The following CACNB2 variants were observed in gnomAD, a reference collection of about 807,000 sequenced individuals.
CACNB2 encodes the protein voltage-dependent L-type calcium channel subunit beta-2.
CACNB2 carries 42 observed loss-of-function variants against 73.3 expected under a neutral mutation model. The observed-to-expected ratio is 0.57, with a 90% CI of 0.45 to 0.74. The LOEUF (loss-of-function observed/expected upper bound fraction) is 0.74, where lower values mean the gene tolerates loss of function less well. CACNB2 is among the 30% of genes least tolerant of loss of function. The probability of loss-of-function intolerance (pLI) is 0.00; values close to 1 mark genes in which losing one functional copy is unlikely to be tolerated. For synonymous variants in CACNB2, 348 were observed against 310.3 expected, an observed-to-expected ratio of 1.12 and a Z score of -1.28; for missense variants, 940 against 853.0, an observed-to-expected ratio of 1.10 and a Z score of -1.27.
chr10:18,440,261 C>G (rs12261189), intron 3 of CACNB2, among the ~76,000 whole-genome samples: 1 of 152,182 alleles, frequency 6.6e-6, no homozygotes, highest in East Asian at 1.9e-4. Flanking sequence ...GCCCCACCTG[C>G]TGATAACTAT....
chr10:18,221,220 G>A (rs563843173), intron 2 of CACNB2, among the ~76,000 whole-genome samples: 98 of 152,270 alleles, frequency 6.4e-4, no homozygotes, highest in African/African-American at 2.3e-3. Flanking sequence ...CCATTCTAGC[G>A]TGACTATATA....
At chr10:18,440,427 G>T (rs2046357143) in intron 3 of CACNB2, among the ~76,000 whole-genome samples, 1 of 152,160 alleles carries the variant, frequency 6.6e-6, no homozygotes, top group South Asian at 2.1e-4. Flanking sequence ...CCCAGCATTT[G>T]AAGTGTCTGA....
intron 3 of CACNB2, among the ~76,000 whole-genome samples, chr10:18,428,086 GA>G (rs1439001781): frequency 1.3e-5 from 2 of 151,794 alleles, no homozygotes; most frequent in Admixed American, 6.6e-5. Flanking sequence ...TTTTCATTTT[GA>G]TTTTTTTATT....
Position 18,184,658 on chromosome 10 carries a change from T to G in CACNB2, c.213+33683T>G, listed in dbSNP as rs199611595. Among the ~76,000 whole-genome samples, 8 of 23,764 alleles carry G rather than the reference T, an allele frequency of 3.4e-4. No individual in the cohort carries two copies. The East Asian group carries it at 0.012, about 36-fold the overall frequency. 15.6% of individuals were successfully genotyped at this position (23,764 alleles called of 152,430 possible). A position where few individuals can be genotyped will look rare whatever the true frequency, so the allele number is the denominator to read the frequency against. On this transcript the variant is annotated intron_variant, in intron 2 of 13. Coordinates refer to ENST00000324631, the MANE Select transcript of CACNB2 (RefSeq NM_201596.3). ...CAGTTTCTCAGACTTTGTTTTTTTT[T>G]TTTTTTTTTTTTTTTTTCAGTGTTG...
At chr10:18,514,818 G>A (rs2051117628) in intron 7 of CACNB2, among the ~76,000 whole-genome samples, 1 of 152,108 alleles carries the variant, frequency 6.6e-6, no homozygotes, top group Non-Finnish European at 1.5e-5. Context: ...AATTGTGCAT[G>A]CTTATTCTAT....
intron 2 of CACNB2, among the ~76,000 whole-genome samples, chr10:18,194,481 A>G (rs2034543117): frequency 6.6e-6 from 1 of 152,170 alleles, no homozygotes; most frequent in South Asian, 2.1e-4. Context: ...TATAGCTCAG[A>G]CAATTTGTAA....
At position 18,140,829 on chromosome 10, in the gene CACNB2, C is replaced by A. The variant is rs1192957611; in HGVS notation, c.93C>A (p.Pro31=). 6.2e-7 allele frequency: 1 copy of A among 1,603,560 alleles called. No individual in the cohort carries two copies. The highest frequency in any genetic ancestry group is 8.5e-7 in the Non-Finnish European group (1 of 1,176,602). ...IQMELLENVA[P]AGALGAAAQS... ...TGGAACTGCTAGAGAACGTGGCTCC[C>A]GCGGGGGCGCTCGGAGCCGCCGCAC... The change falls in exon 1 of 14, where the codon CCC becomes CCA. Residue 31 remains proline (P), a synonymous_variant. Transcript: ENST00000324631.
chr10:18,410,607 C>T (rs1384600647), intron 3 of CACNB2, among the ~76,000 whole-genome samples: 1 of 152,070 alleles, frequency 6.6e-6, no homozygotes, highest in Non-Finnish European at 1.5e-5. Flanking sequence ...TGCGTATGTT[C>T]TTAAACCTAC....
At chr10:18,258,674 T>C (rs1308921795) in intron 2 of CACNB2, among the ~76,000 whole-genome samples, 1 of 151,690 alleles carries the variant, frequency 6.6e-6, no homozygotes, top group African/African-American at 2.4e-5. Context: ...TGCAGTGAGC[T>C]GAGATCATGC....
chr10:18,211,411 T>C (rs990987322), intron 2 of CACNB2, among the ~76,000 whole-genome samples: 1 of 152,178 alleles, frequency 6.6e-6, no homozygotes, highest in Non-Finnish European at 1.5e-5. Flanking sequence ...TTTTAAGATA[T>C]ACAAAAAGGC....
chr10:18,349,900 G>A (rs188594347), intron 2 of CACNB2, among the ~76,000 whole-genome samples: 147 of 152,168 alleles, frequency 9.7e-4, no homozygotes, highest in African/African-American at 3.3e-3. Flanking sequence ...CCTGTATTGC[G>A]CACGTATGTT....
chr10:18,455,395 G>A (rs2047229103), intron 3 of CACNB2, among the ~76,000 whole-genome samples: 1 of 152,196 alleles, frequency 6.6e-6, no homozygotes. Flanking sequence ...AGGTAGGAGA[G>A]CTGTGTTTGA....
At chr10:18,221,002 G>A (rs10128211) in intron 2 of CACNB2, among the ~76,000 whole-genome samples, 34,191 of 152,042 alleles carry the variant, frequency 0.22, 6,054 homozygotes, top group African/African-American at 0.5. Flanking sequence ...AAATACTCAT[G>A]CTTGTGATCT....
At chr10:18,471,198 C>T (rs1294520348) in intron 3 of CACNB2, among the ~76,000 whole-genome samples, 2 of 151,946 alleles carry the variant, frequency 1.3e-5, no homozygotes, top group Admixed American at 6.6e-5. Flanking sequence ...CCCAGCTACT[C>T]GGGAGGCTGA....
rs59205683 is a variant in CACNB2 at position 18,358,497 on chromosome 10, G to GCTCTCTCTCTCT, written c.214-43383_214-43372dup. On this transcript the variant is annotated intron_variant, in intron 2 of 13. Transcript: ENST00000324631. ...GGGAAATTCCTTTTCTAATGAGCAC[G>GCTCTCTCTCTCT]CTCTCTCTCTCTCTCTCTCTCTCTC... Among the ~76,000 whole-genome samples, 58 of 104,306 alleles carry GCTCTCTCTCTCT rather than the reference G, an allele frequency of 5.6e-4. 2 individuals carry two copies. The highest frequency in any genetic ancestry group is 1.7e-3 in the East Asian group (4 of 2,394). 68.4% of individuals were successfully genotyped at this position (104,306 alleles called of 152,430 possible). A position where few individuals can be genotyped will look rare whatever the true frequency, so the allele number is the denominator to read the frequency against.
At chr10:18,405,724 G>A (rs969995542) in intron 3 of CACNB2, among the ~76,000 whole-genome samples, 2 of 152,256 alleles carry the variant, frequency 1.3e-5, no homozygotes, top group South Asian at 2.1e-4. Context: ...TTGGGAGGCC[G>A]AGGCGGGTGG....
chr10:18,228,152 G>A (rs1026746751), intron 2 of CACNB2, among the ~76,000 whole-genome samples: 2 of 152,134 alleles, frequency 1.3e-5, no homozygotes, highest in Non-Finnish European at 2.9e-5. Context: ...GCCGGACGCG[G>A]TGACTCACGC....
chr10:18,267,431 C>A (rs994844250), intron 2 of CACNB2, among the ~76,000 whole-genome samples: 2 of 151,982 alleles, frequency 1.3e-5, no homozygotes, highest in East Asian at 3.9e-4. Context: ...CATGGTGAAA[C>A]CCCATCTCTA....
At chr10:18,497,147 G>T in intron 3 of CACNB2, among the ~76,000 whole-genome samples, 1 of 150,574 alleles carries the variant, frequency 6.6e-6, no homozygotes, top group Non-Finnish European at 1.5e-5. Flanking sequence ...CAGAGGAGGA[G>T]GTTGCAGTGA....
Sources: gnomAD v4.1 joint callset for allele counts (sites outside exome capture counted in the v4.1 genomes callset) on GRCh38, gnomAD v4.1.1 for gene constraint, MANE v1.5 for transcripts, NCBI Gene and HGNC (gene_info 2026-07-23, HGNC 2026-07-21) for gene names.